Variants in ITGB5 observed in about 807,000 individuals in gnomAD.
The protein encoded by ITGB5 is integrin beta-5.
A neutral mutation model predicts 84.8 loss-of-function variants in ITGB5; 38 were observed. The observed-to-expected ratio is 0.45, with a 90% CI of 0.35 to 0.59. ITGB5 has a LOEUF of 0.59. Ranked by LOEUF, ITGB5 falls within the 20% of genes least tolerant of loss-of-function variation. ITGB5 has a pLI of 0.01. For synonymous variants in ITGB5, 393 were observed against 414.4 expected (o/e 0.95, Z 0.63); for missense variants, 905 against 1,034.5 (o/e 0.87, Z 1.72).
At chr3:124,844,449 A>G (rs2065051585) in intron 4 of ITGB5, among the ~76,000 whole-genome samples, 1 of 152,042 alleles carries the variant, frequency 6.6e-6, no homozygotes, top group Non-Finnish European at 1.5e-5. Context: ...AATCCCAGCT[A>G]CTCAGGAGGC....
chr3:124,861,495 T>TACACACACACACACAC (rs1553766077), intron 2 of ITGB5, among the ~76,000 whole-genome samples: 60 of 112,012 alleles, frequency 5.4e-4, no homozygotes, highest in African/African-American at 1.8e-3. Flanking sequence ...TATATATATA[T>TACACACACACACACAC]ACACACACAC....
intron 1 of ITGB5, among the ~76,000 whole-genome samples, chr3:124,893,932 T>C (rs947933778): frequency 1.2e-4 from 19 of 152,142 alleles, no homozygotes; most frequent in Non-Finnish European, 2.8e-4. Context: ...TCTGACGCTG[T>C]TAAGAAGCAC....
intron 10 of ITGB5, among the ~76,000 whole-genome samples, chr3:124,794,886 A>C (rs1013739999): frequency 6.6e-6 from 1 of 152,084 alleles, no homozygotes; most frequent in Non-Finnish European, 1.5e-5. Flanking sequence ...AAAAAGGTGA[A>C]TGTATTGTCA....
intron 5 of ITGB5, among the ~76,000 whole-genome samples, chr3:124,838,810 C>A (rs910654840): frequency 6.6e-6 from 1 of 152,160 alleles, no homozygotes; most frequent in African/African-American, 2.4e-5. Context: ...ACCGCGTTAG[C>A]CAGGATGGTC....
At chr3:124,880,294 A>ATAT (rs2107648995) in intron 1 of ITGB5, among the ~76,000 whole-genome samples, 1 of 152,378 alleles carries the variant, frequency 6.6e-6, no homozygotes. Flanking sequence ...GATGGACTTT[A>ATAT]GTTAATAATA....
chr3:124,807,418 A>G (rs1025878719), intron 9 of ITGB5, among the ~76,000 whole-genome samples: 11 of 152,114 alleles, frequency 7.2e-5, no homozygotes, highest in African/African-American at 1.4e-4. Flanking sequence ...TCTCTCTCCA[A>G]ATAAATAAAT....
chr3:124,765,832 G>A (rs2063758091), intron 13 of ITGB5, among the ~76,000 whole-genome samples: 2 of 152,116 alleles, frequency 1.3e-5, no homozygotes, highest in East Asian at 3.9e-4. Flanking sequence ...CAAGACAGGT[G>A]GATTGTTTGA....
chr3:124,879,334 G>A (rs538689023), intron 1 of ITGB5, among the ~76,000 whole-genome samples: 2 of 152,312 alleles, frequency 1.3e-5, no homozygotes, highest in African/African-American at 4.8e-5. Context: ...ATATTCAGTA[G>A]GATAACAGAA....
In ITGB5 at chr3:124,878,129, C is replaced by T. The variant is rs1399881238; in HGVS notation, c.71-4598G>A. On this transcript the variant is annotated intron_variant, in intron 1 of 14. Coordinates refer to ENST00000296181, the MANE Select transcript of ITGB5 (RefSeq NM_002213.5). ...CCTCCCAAAGTGCTGGGATTATAGA[C>T]GTGAGCCACCGTATCCAGCTTCAAA... Among the ~76,000 whole-genome samples, 4 of 152,144 alleles carry T rather than the reference C, an allele frequency of 2.6e-5. No individual in the cohort carries two copies. The East Asian group carries it at 7.7e-4, about 29-fold the overall frequency.
rs1313324499 is a variant in ITGB5, at chr3:124,886,978, A to G, written c.23T>C (p.Leu8Pro). 1 of 1,199,938 alleles carries G rather than the reference A, an allele frequency of 8.3e-7. No individual in the cohort carries two copies. The highest frequency in any genetic ancestry group is 1.0e-6 in the Non-Finnish European group (1 of 967,824). 74.3% of individuals were successfully genotyped at this position (1,199,938 alleles called of 1,614,324 possible). MPRAPAP[L>P]YACLLGLCAL... The stretch of plus-strand genomic sequence containing the variant: ...GCAGAGCCCCAGGAGGCAGGCGTAC[A>G]GCGGCGCCGGGGCCCGCGGCATGGT... Residue 8 changes from leucine (L) to proline (P), a missense_variant, in exon 1 of 15, where the codon CTG (leucine) becomes CCG (proline). Physicochemically the swap from Leu to Pro is moderately conservative, Grantham distance 98 (BLOSUM62 -3). Coordinates refer to ENST00000296181, the MANE Select transcript of ITGB5 (RefSeq NM_002213.5).
intron 4 of ITGB5, among the ~76,000 whole-genome samples, chr3:124,844,607 G>A (rs866938629): frequency 2.3e-4 from 35 of 152,114 alleles, no homozygotes; most frequent in African/African-American, 2.2e-4. Context: ...AAGGACCCCC[G>A]CAATGGGTCA....
chr3:124,879,890 G>C (rs1241557627), intron 1 of ITGB5, among the ~76,000 whole-genome samples: 1 of 152,188 alleles, frequency 6.6e-6, no homozygotes, highest in East Asian at 1.9e-4. Flanking sequence ...TTTAGAAAAG[G>C]GGGTCACAGA....
chr3:124,868,686 A>G (rs2065431311), intron 2 of ITGB5, among the ~76,000 whole-genome samples: 1 of 151,060 alleles, frequency 6.6e-6, no homozygotes, highest in African/African-American at 2.4e-5. Flanking sequence ...CTATAGTCCC[A>G]GCTACTCGGG....
intron 4 of ITGB5, among the ~76,000 whole-genome samples, chr3:124,846,652 G>A (rs1192490804): frequency 2.0e-5 from 3 of 152,180 alleles, no homozygotes; most frequent in Non-Finnish European, 4.4e-5. Context: ...CGCAAACGCA[G>A]GCCGGATGCA....
chr3:124,842,970 C>T (rs1269329768), intron 4 of ITGB5, among the ~76,000 whole-genome samples: 2 of 152,150 alleles, frequency 1.3e-5, no homozygotes, highest in Non-Finnish European at 2.9e-5. Flanking sequence ...ATCAATCAGC[C>T]CCACTCCTGT....
At chr3:124,843,490 G>C (rs1040111436) in intron 4 of ITGB5, among the ~76,000 whole-genome samples, 2 of 152,158 alleles carry the variant, frequency 1.3e-5, no homozygotes, top group Non-Finnish European at 2.9e-5. Context: ...TTTCACTCCC[G>C]CAAACAGCAA....
At chr3:124,892,870 A>T (rs960821657) in intron 1 of ITGB5, among the ~76,000 whole-genome samples, 9 of 152,298 alleles carry the variant, frequency 5.9e-5, no homozygotes, top group African/African-American at 2.2e-4. Flanking sequence ...TTTTAATCCA[A>T]GTCAGAAATA....
intron 5 of ITGB5, among the ~76,000 whole-genome samples, chr3:124,830,571 A>C (rs2107577382): frequency 6.6e-6 from 1 of 152,350 alleles, no homozygotes; most frequent in South Asian, 2.1e-4. Flanking sequence ...AAGGAACCTC[A>C]GAGGTTCTTG....
At position 124,870,746 on chromosome 3, in the gene ITGB5, A is replaced by ACCCCTGCCCCTTAC. The variant is rs773054754; in HGVS notation, c.156+2699_156+2700insGTAAGGGGCAGGGG. Among the ~76,000 whole-genome samples, 183 of 110,110 alleles carry ACCCCTGCCCCTTAC rather than the reference A, an allele frequency of 1.7e-3. 1 individual carries two copies. Among genetic ancestry groups the ACCCCTGCCCCTTAC allele is most frequent in the African/African-American group, 4.0e-3 (132 of 33,052 alleles). 72.2% of individuals were successfully genotyped at this position (110,110 alleles called of 152,430 possible). On this transcript the variant is annotated intron_variant, in intron 2 of 14. Coordinates refer to ENST00000296181, the MANE Select transcript of ITGB5 (RefSeq NM_002213.5). ...ATCTCAAAAGAAAAAAAAAAAAAAA[A>ACCCCTGCCCCTTAC]ACCCCAGTGGAGGGAGCTTACATTC...
Sources: gnomAD v4.1 joint callset for allele counts (sites outside exome capture counted in the v4.1 genomes callset) on GRCh38, gnomAD v4.1.1 for gene constraint, MANE v1.5 for transcripts, NCBI Gene and HGNC (gene_info 2026-07-23, HGNC 2026-07-21) for gene names.